Variants in MMP26 observed in about 807,000 individuals in gnomAD.
MMP26 encodes matrix metalloproteinase-26.
A neutral mutation model predicts 31.0 loss-of-function variants in MMP26; 33 were observed. The ratio of observed to expected loss-of-function variants is 1.06; its 90% CI spans 0.81 to 1.42. MMP26 has a LOEUF of 1.42. Ranked by LOEUF, MMP26 falls within the 40% of genes most tolerant of loss-of-function variation. MMP26 has a pLI of 0.00. For synonymous variants in MMP26, 122 were observed against 114.9 expected, an observed-to-expected ratio of 1.06 and a Z score of -0.40; for missense variants, 347 against 316.1, an observed-to-expected ratio of 1.10 and a Z score of -0.74.
intron 2 of MMP26, among the ~76,000 whole-genome samples, chr11:4,851,310 G>A (rs1273399072): frequency 5.9e-5 from 9 of 152,170 alleles, no homozygotes; most frequent in Admixed American, 5.2e-4. Flanking sequence ...CTGTCAGTTA[G>A]CACGGCAATT....
intron 1 of MMP26, among the ~76,000 whole-genome samples, chr11:4,714,902 T>TCC (rs1847905685): frequency 8.2e-6 from 1 of 122,088 alleles, no homozygotes; most frequent in African/African-American, 3.5e-5. Flanking sequence ...ACCCCAAATC[T>TCC]CTCTCTCTCT....
intron 2 of MMP26, among the ~76,000 whole-genome samples, chr11:4,841,195 T>A (rs1480866402): frequency 1.3e-5 from 2 of 152,168 alleles, no homozygotes; most frequent in Non-Finnish European, 2.9e-5. Flanking sequence ...AGGGCAATTC[T>A]AAGAGTTATT....
intron 1 of MMP26, among the ~76,000 whole-genome samples, chr11:4,707,664 C>G (rs1038233109): frequency 6.6e-6 from 1 of 152,134 alleles, no homozygotes; most frequent in Non-Finnish European, 1.5e-5. Context: ...TGTTTTCCTC[C>G]TATGTTGAAA....
chr11:4,795,830 A>AAGAGAGAGAGAGGGAGAGAGAG (rs1564911442), intron 2 of MMP26, among the ~76,000 whole-genome samples: 4 of 143,566 alleles, frequency 2.8e-5, no homozygotes, highest in Non-Finnish European at 6.2e-5. Flanking sequence ...GGGAGAGAGA[A>AAGAGAGAGAGAGGGAGAGAGAG]AGAGAGAGAG....
At chr11:4,885,577 C>A (rs914150338) in intron 2 of MMP26, among the ~76,000 whole-genome samples, 1 of 151,890 alleles carries the variant, frequency 6.6e-6, no homozygotes, top group African/African-American at 2.4e-5. Flanking sequence ...TAGGCTATAC[C>A]CTCTAGGTTT....
intron 2 of MMP26, among the ~76,000 whole-genome samples, chr11:4,942,608 A>G (rs1424497205): frequency 2.6e-5 from 4 of 152,118 alleles, no homozygotes; most frequent in African/African-American, 9.7e-5. Context: ...TATTTTATTG[A>G]ACTATTTTTG....
chr11:4,883,457 A>G lies in MMP26; in HGVS notation c.-144-104611A>G, dbSNP rs944273492. ...CTCCCTATACCTCTATCTTTCTTTA[A>G]TCCCTTTTCTTCTTATAGAAGTGAT... On this transcript the variant is annotated intron_variant, in intron 2 of 7. Coordinates refer to ENST00000380390, the MANE Select transcript of MMP26 (RefSeq NM_021801.5). 2.0e-5 allele frequency among the ~76,000 whole-genome samples: 3 copies of G among 152,014 alleles called. No homozygotes were observed. In the East Asian group the frequency reaches 5.8e-4, roughly 29 times the overall value.
chr11:4,990,833 C>A (rs183294476), intron 5 of MMP26, 87 bp downstream of exon 5: 18 of 1,383,112 alleles, frequency 1.3e-5, no homozygotes, highest in East Asian at 7.0e-5. Context: ...ACCTAGCCCC[C>A]CTATTAAAGT....
chr11:4,822,130 C>A (rs774109745), intron 2 of MMP26: 3 of 1,613,774 alleles, frequency 1.9e-6, no homozygotes, highest in Non-Finnish European at 1.7e-6. Context: ...AGAAGAGAGG[C>A]GGAAAGCCTT....
At chr11:4,803,960 G>A (rs2133454464) in intron 2 of MMP26, 2 of 1,613,562 alleles carry the variant, frequency 1.2e-6, no homozygotes, top group Non-Finnish European at 1.7e-6. Flanking sequence ...ACGACCGATG[G>A]GGTCAGGATG....
chr11:4,877,860 TA>T (rs1175752886), intron 2 of MMP26: 1 of 152,226 alleles, frequency 6.6e-6, no homozygotes, highest in Admixed American at 6.5e-5. Flanking sequence ...ATTTATACTT[TA>T]AAATTGTATA....
intron 2 of MMP26, among the ~76,000 whole-genome samples, chr11:4,777,633 C>T (rs949760611): frequency 1.2e-4 from 18 of 152,182 alleles, no homozygotes; most frequent in Admixed American, 3.9e-4. Context: ...TTCCTTTCTC[C>T]TCAAAGGTGA....
chr11:4,728,461 T>C (rs760478597), intron 1 of MMP26, among the ~76,000 whole-genome samples: 4 of 152,138 alleles, frequency 2.6e-5, no homozygotes, highest in Non-Finnish European at 4.4e-5. Flanking sequence ...CCCCCTTGCC[T>C]AGACAACTCT....
At chr11:4,826,743 A>G (rs548152888) in intron 2 of MMP26, among the ~76,000 whole-genome samples, 9 of 152,272 alleles carry the variant, frequency 5.9e-5, no homozygotes, top group Admixed American at 1.3e-4. Context: ...CAACATCTTC[A>G]TCACAGAGCA....
chr11:4,959,237 CAAAAAAAAAAA>C (rs57867455), intron 2 of MMP26, among the ~76,000 whole-genome samples: 5 of 74,466 alleles, frequency 6.7e-5, no homozygotes, highest in African/African-American at 1.5e-4. Flanking sequence ...AACTCTGTCT[CAAAAAAAAAAA>C]AAAAAAAAAA....
At chr11:4,834,888 TA>T (rs1849694863) in intron 2 of MMP26, among the ~76,000 whole-genome samples, 1 of 152,166 alleles carries the variant, frequency 6.6e-6, no homozygotes, top group African/African-American at 2.4e-5. Context: ...GTGTTTGGAT[TA>T]TTTTGTCTAT....
intron 2 of MMP26, among the ~76,000 whole-genome samples, chr11:4,867,775 C>T (rs1269296612): frequency 6.6e-6 from 1 of 152,080 alleles, no homozygotes; most frequent in Non-Finnish European, 1.5e-5. Flanking sequence ...GAAAAAGGAA[C>T]ACTTTTACAC....
intron 1 of MMP26, among the ~76,000 whole-genome samples, chr11:4,717,920 C>A (rs758507165): frequency 6.6e-6 from 1 of 152,142 alleles, no homozygotes; most frequent in Non-Finnish European, 1.5e-5. Context: ...TTAAACTATC[C>A]ATAATACTTT....
intron 2 of MMP26, among the ~76,000 whole-genome samples, chr11:4,930,158 A>G (rs1851326742): frequency 6.6e-6 from 1 of 152,116 alleles, no homozygotes; most frequent in Non-Finnish European, 1.5e-5. Flanking sequence ...CTATTAAAGT[A>G]CAGTTTTTTG....
Sources: allele counts gnomAD v4.1 joint callset (sites outside exome capture counted in the v4.1 genomes callset), GRCh38; gene constraint gnomAD v4.1.1; transcripts MANE v1.5; gene names NCBI Gene and HGNC (gene_info 2026-07-23, HGNC 2026-07-21).